DOK2: variants seen among roughly 807,000 people sequenced by gnomAD.
DOK2 encodes docking protein 2, 56kD.
DOK2 carries 28 observed loss-of-function variants against 26.0 expected under a neutral mutation model. That is an observed-to-expected ratio of 1.08 (90% CI 0.80 to 1.48). The LOEUF (loss-of-function observed/expected upper bound fraction) is 1.48. DOK2 is among the 40% of genes most tolerant of loss of function. The pLI is 0.00. For missense variants in DOK2, 682 were observed against 558.2 expected, an observed-to-expected ratio of 1.22 and a Z score of -2.23; for synonymous variants, 282 against 236.9, an observed-to-expected ratio of 1.19 and a Z score of -1.75.
At position 21,912,362 on chromosome 8, in the gene DOK2, G is replaced by A; in HGVS notation, c.212C>T (p.Ala71Val). Residue 71 changes from alanine (A) to valine (V), a missense_variant, in exon 2 of 5, where the codon GCC becomes GTC. Coordinates refer to ENST00000276420, the MANE Select transcript of DOK2 (RefSeq NM_003974.4). Reference protein sequence around the residue: ...RLSDCLRVAEAGGEASSPRDT... With the variant: ...RLSDCLRVAEVGGEASSPRDT... ...CCGGGGGCTGCTGGCCTCTCCGCCG[G>A]CCTCGGCCACCCGCAGGCAGTCACT... 1 of 1,606,804 alleles carries A rather than the reference G, an allele frequency of 6.2e-7. No individual in the cohort carries two copies. Among genetic ancestry groups the A allele is most frequent in the African/African-American group, 1.3e-5 (1 of 74,882 alleles).
At chr8:21,911,280 G>A (rs1809835075) in intron 3 of DOK2, among the ~76,000 whole-genome samples, 1 of 152,152 alleles carries the variant, frequency 6.6e-6, no homozygotes, top group African/African-American at 2.4e-5. Context: ...GAAGGCAGAT[G>A]AAAGTTTCTC....
rs769337641 is a variant in DOK2 at position 21,909,569 on chromosome 8, G to A, written c.981C>T (p.Asp327=). 2 of 1,614,164 alleles carry A rather than the reference G, an allele frequency of 1.2e-6. No homozygotes were observed. Among genetic ancestry groups the A allele is most frequent in the South Asian group, 1.1e-5 (1 of 91,080 alleles). ...TCTCCTCAATGCTGTCGTACAGAGG[G>A]TCGGCCAGGAGCTGAGGAGGGACTG... ...ILAVPPQLLA[D]PLYDSIEETL... The change falls in exon 5 of 5, where the codon GAC becomes GAT. Residue 327 remains aspartate (D), a synonymous_variant. Transcript: ENST00000276420.
Position 21,912,331 on chromosome 8 carries a change from G to A in DOK2, c.243C>T (p.Thr81=). The A allele has an allele frequency of 6.2e-7, 1 of 1,607,520 alleles. No homozygotes were observed. The highest frequency in any genetic ancestry group is 8.5e-7 in the Non-Finnish European group (1 of 1,178,458). The change falls in exon 2 of 5, where the codon ACC becomes ACT. Residue 81 remains threonine (T), a synonymous_variant. Coordinates refer to ENST00000276420, the MANE Select transcript of DOK2 (RefSeq NM_003974.4). ...CCTTGGTCTCCAGGAAGAAGGCACT[G>A]GTGTCCCGGGGGCTGCTGGCCTCTC... ...AGGEASSPRD[T]SAFFLETKER...
Position 21,912,458 on chromosome 8 carries a change from G to A in DOK2, c.116C>T (p.Ala39Val), listed in dbSNP as rs1191952018. ...CGGGCCCTCCTGCAGCTCCAGCCGG[G>A]CCAAGGCGCAGTCCGACCCTCCATA... ...SLYGGSDCAL[A>V]RLELQEGPEK... Residue 39 changes from alanine (A) to valine (V), a missense_variant, in exon 2 of 5, where the codon GCC becomes GTC. Physicochemically the swap from Ala to Val is moderately conservative, Grantham distance 64. Coordinates refer to ENST00000276420, the MANE Select transcript of DOK2 (RefSeq NM_003974.4). 2.6e-6 allele frequency: 4 copies of A among 1,564,650 alleles called. No homozygotes were observed. The highest frequency in any genetic ancestry group is 2.7e-5 in the African/African-American group (2 of 73,738).
rs77691887 is a variant in DOK2 at position 21,912,785 on chromosome 8, C to G, written c.64-275G>C. On this transcript the variant is annotated intron_variant, in intron 1 of 4. Transcript: ENST00000276420. ...GGCAGAAAGCAACGCCGGGATGAGC[C>G]CAAAGCAGGCTGCAAGAAGGCCAAA... Among the ~76,000 whole-genome samples the G allele has an allele frequency of 5.0e-3, 764 of 152,270 alleles. 24 individuals are homozygous for G. The highest frequency in any genetic ancestry group is 0.038 in the East Asian group (196 of 5,172).
Position 21,912,520 on chromosome 8 carries a change from A to G in DOK2, c.64-10T>C. 6.7e-7 allele frequency: 1 copy of G among 1,487,882 alleles called. No homozygotes were observed. Among genetic ancestry groups the G allele is most frequent in the Non-Finnish European group, 8.9e-7 (1 of 1,121,292 alleles). 92.2% of individuals were successfully genotyped at this position (1,487,882 alleles called of 1,614,324 possible). A position where few individuals can be genotyped will look rare whatever the true frequency, so the allele number is the denominator to read the frequency against. ...CGAAGCGGCGCCATTTCTGTGCCAG[A>G]GGCGTGGGAGGCGGGGGCGGGAGGG... On this transcript the variant is annotated splice_polypyrimidine_tract_variant and intron_variant, in intron 1 of 4. Coordinates refer to ENST00000276420, the MANE Select transcript of DOK2 (RefSeq NM_003974.4).
At position 21,909,446 on chromosome 8, in the gene DOK2, C is replaced by T. The variant is rs1294904352; in HGVS notation, c.1104G>A (p.Trp368Ter). 6.2e-7 allele frequency: 1 copy of T among 1,613,394 alleles called. No homozygotes were observed. Reference sequence around the variant, plus strand: ...CCCTGTCAGCTGTCGCCTGCCTCCTCCATGCCTCACCCCGGGGCTCCTGCG... The same window carrying T: ...CCCTGTCAGCTGTCGCCTGCCTCCTTCATGCCTCACCCCGGGGCTCCTGCG... ...DSPQEPRGEA[W>*]RRQATADRDP... Residue 368 changes from tryptophan (W) to a stop codon, truncating the protein, a stop_gained, in exon 5 of 5, where the codon TGG becomes TGA. Coordinates refer to ENST00000276420, the MANE Select transcript of DOK2 (RefSeq NM_003974.4). LOFTEE classifies it low-confidence loss of function (END_TRUNC).
In DOK2 at chr8:21,913,664, C is replaced by T; in HGVS notation, c.-63G>A. The T allele has an allele frequency of 6.3e-7, 1 of 1,586,540 alleles. No individual in the cohort carries two copies. The highest frequency in any genetic ancestry group is 8.6e-7 in the Non-Finnish European group (1 of 1,156,482). On this transcript the variant is annotated 5_prime_UTR_variant, in exon 1 of 5. Coordinates refer to ENST00000276420, the MANE Select transcript of DOK2 (RefSeq NM_003974.4). ...CCTTCACTCCTGCCCTTGCCTCTCT[C>T]TTCTTAGCCGTGTGTTTCCCTTCTC... is the stretch of plus-strand genomic sequence containing the variant.
chr8:21,911,113 A>G, intron 3 of DOK2: 1 of 501,314 alleles, frequency 2.0e-6, no homozygotes. Flanking sequence ...TCGTGCCCAC[A>G]TCCTTCCTGC....
chr8:21,910,763 C>T lies in DOK2; in HGVS notation c.528G>A (p.Glu176=). Reference sequence around the variant, plus strand: ...GCCCACCCCACAGCTCCAGGGCACTCTCCCCAGCCCGGAGGGTATAGGACC... The same window carrying T: ...GCCCACCCCACAGCTCCAGGGCACTTTCCCCAGCCCGGAGGGTATAGGACC... ...LRGSYTLRAG[E]SALELWGGPE... is the part of the protein sequence containing the mutation. Residue 176 remains glutamate, a synonymous_variant, in exon 4 of 5, where the codon GAG becomes GAA. Coordinates refer to ENST00000276420, the MANE Select transcript of DOK2 (RefSeq NM_003974.4). 6.2e-7 allele frequency: 1 copy of T among 1,614,050 alleles called. No homozygotes were observed. The highest frequency in any genetic ancestry group is 8.5e-7 in the Non-Finnish European group (1 of 1,180,002).
At chr8:21,910,989 G>A in intron 3 of DOK2, 132 bp from the exon 4 acceptor site, 2 of 1,093,860 alleles carry the variant, frequency 1.8e-6, no homozygotes, top group Non-Finnish European at 2.5e-6. Context: ...ATGGCCCCCT[G>A]CCTGGGTCTT....
Position 21,909,572 on chromosome 8 carries a change from G to T in DOK2, c.978C>A (p.Ala326=), listed in dbSNP as rs748947055. 2 of 1,614,080 alleles carry T rather than the reference G, an allele frequency of 1.2e-6. No homozygotes were observed. The highest frequency in any genetic ancestry group is 1.7e-6 in the Non-Finnish European group (2 of 1,180,028). Residue 326 remains alanine (A), a synonymous_variant, in exon 5 of 5, where the codon GCC becomes GCA. Transcript: ENST00000276420. The part of the protein sequence containing the change: ...GILAVPPQLL[A]DPLYDSIEET... ...CCTCAATGCTGTCGTACAGAGGGTCGGCCAGGAGCTGAGGAGGGACTGCCA... is the reference window on the plus strand; with the variant it reads ...CCTCAATGCTGTCGTACAGAGGGTCTGCCAGGAGCTGAGGAGGGACTGCCA...
rs1317564571 is a variant in DOK2 at position 21,910,686 on chromosome 8, A to G, written c.605T>C (p.Phe202Ser). The G allele has an allele frequency of 6.2e-7, 1 of 1,613,864 alleles. No homozygotes were observed. The highest frequency in any genetic ancestry group is 8.5e-7 in the Non-Finnish European group (1 of 1,180,004). ...YDWPYRFLRR[F>S]GRDKVTFSFE... ...CTTCCCACTCACCTTGTCCCGCCCA[A>G]AGCGCCGCAGAAACCTGTAGGGCCA... is the stretch of plus-strand genomic sequence containing the variant. Residue 202 changes from phenylalanine to serine, a missense_variant, in exon 4 of 5, where the codon TTT becomes TCT. Physicochemically the swap from Phe to Ser is radical, Grantham distance 155. Coordinates refer to ENST00000276420, the MANE Select transcript of DOK2 (RefSeq NM_003974.4).
At position 21,911,977 on chromosome 8, in the gene DOK2, C is replaced by T. The variant is rs1295039258; in HGVS notation, c.357G>A (p.Lys119=). The T allele has an allele frequency of 1.3e-6, 2 of 1,553,038 alleles. No individual in the cohort carries two copies. Among genetic ancestry groups the T allele is most frequent in the South Asian group, 1.2e-5 (1 of 84,318 alleles). The part of the protein sequence containing the change: ...ICLLAFPGQR[K]ELSGPEGKQS... ...GCTTTCCCTCTGGCCCCGAGAGCTC[C>T]TTCCTCTGCCCCTAGGGAGGAGGCG... Residue 119 remains lysine, a synonymous_variant, in exon 3 of 5, where the codon AAG becomes AAA. Coordinates refer to ENST00000276420, the MANE Select transcript of DOK2 (RefSeq NM_003974.4).
chr8:21,909,766 C>A lies in DOK2; in HGVS notation c.784G>T (p.Ala262Ser). 6.2e-7 allele frequency: 1 copy of A among 1,613,858 alleles called. No individual in the cohort carries two copies. The highest frequency in any genetic ancestry group is 8.5e-7 in the Non-Finnish European group (1 of 1,179,992). Residue 262 changes from alanine to serine, a missense_variant, in exon 5 of 5, where the codon GCG becomes TCG. Physicochemically the swap from Ala to Ser is moderately conservative, Grantham distance 99 (BLOSUM62 1). Coordinates refer to ENST00000276420, the MANE Select transcript of DOK2 (RefSeq NM_003974.4). Reference protein sequence around the residue: ...TPQPQPATIPASLPRPDSPYS... With the variant: ...TPQPQPATIPSSLPRPDSPYS... ...GGGCTATCAGGCCGGGGCAGCGACG[C>A]GGGGATTGTGGCTGGCTGCGGTTGG...
In DOK2 at chr8:21,911,956, TC is replaced by T; in HGVS notation, c.377del (p.Gly126GlufsTer28). The T allele has an allele frequency of 1.3e-6, 2 of 1,559,982 alleles. No homozygotes were observed. Among genetic ancestry groups the T allele is most frequent in the Non-Finnish European group, 1.7e-6 (2 of 1,151,914 alleles). On this transcript the variant is annotated frameshift_variant, in exon 3 of 5. Coordinates refer to ENST00000276420, the MANE Select transcript of DOK2 (RefSeq NM_003974.4). LOFTEE classifies it high-confidence loss of function. ...CCTCCATGCAGGGCCGGCTCTGCTT[TC>T]CCTCTGGCCCCGAGAGCTCCTTCCT... ...GQRKELSGPE[G>X]KQSRPCMEEN... is the part of the protein sequence containing the mutation.
Position 21,912,216 on chromosome 8 carries a change from C to G in DOK2, c.345+13G>C, listed in dbSNP as rs758114610. 6 of 1,545,470 alleles carry G rather than the reference C, an allele frequency of 3.9e-6. No homozygotes were observed. Among genetic ancestry groups the G allele is most frequent in the Admixed American group, 1.9e-5 (1 of 52,196 alleles). ...CACGCCCCCTTGCCCTTTCCGCACCCCGCGCGACTCACGGGGAAGGCCAGG... is the reference window on the plus strand; with the variant it reads ...CACGCCCCCTTGCCCTTTCCGCACCGCGCGCGACTCACGGGGAAGGCCAGG... On this transcript the variant is annotated intron_variant, in intron 2 of 4. Transcript: ENST00000276420.
In DOK2 at chr8:21,909,816, T is replaced by C. The variant is rs1471840490; in HGVS notation, c.734A>G (p.Gln245Arg). The C allele has an allele frequency of 1.9e-6, 3 of 1,613,862 alleles. No homozygotes were observed. The highest frequency in any genetic ancestry group is 3.3e-5 in the Admixed American group (2 of 60,010). The change falls in exon 5 of 5, where the codon CAG becomes CGG. Residue 245 changes from glutamine (Q) to arginine (R), a missense_variant. Physicochemically the swap from Gln to Arg is conservative, Grantham distance 43 (BLOSUM62 1). Transcript: ENST00000276420. ...FLALEEAISA[Q>R]KNAAPATPQP... ...GGGTGTAGCGGGTGCAGCATTCTTC[T>C]GGGCAGAGATGGCCTCTTCCAGGGC...
chr8:21,909,590 G>A lies in DOK2; in HGVS notation c.960C>T (p.Val320=), dbSNP rs1222450588. The A allele has an allele frequency of 1.2e-6, 2 of 1,614,050 alleles. No homozygotes were observed. The highest frequency in any genetic ancestry group is 1.7e-5 in the Admixed American group (1 of 60,032). The part of the protein sequence containing the change: ...LGKNFRGILA[V]PPQLLADPLY... ...GAGGGTCGGCCAGGAGCTGAGGAGGGACTGCCAAGATGCCCCTGAAGTTCT... is the reference window on the plus strand; with the variant it reads ...GAGGGTCGGCCAGGAGCTGAGGAGGAACTGCCAAGATGCCCCTGAAGTTCT... Residue 320 remains valine, a synonymous_variant, in exon 5 of 5, where the codon GTC becomes GTT. Coordinates refer to ENST00000276420, the MANE Select transcript of DOK2 (RefSeq NM_003974.4).
Sources: allele counts gnomAD v4.1 joint callset (sites outside exome capture counted in the v4.1 genomes callset), GRCh38; gene constraint gnomAD v4.1.1; transcripts MANE v1.5; gene names NCBI Gene and HGNC (gene_info 2026-07-23, HGNC 2026-07-21).